Variants in PCDH9 observed in about 807,000 individuals in gnomAD.
The protein encoded by PCDH9 is protocadherin 9.
In PCDH9, 24 loss-of-function variants were observed where a neutral mutation model predicts 70.6. That is an observed-to-expected ratio of 0.34 (90% CI 0.25 to 0.48). The LOEUF (loss-of-function observed/expected upper bound fraction) is 0.48, where lower values mean the gene tolerates loss of function less well. Among genes scored for constraint, PCDH9 ranks in the 20% least tolerant of loss-of-function variants. The probability of loss-of-function intolerance (pLI) is 0.99; values close to 1 mark genes in which losing one functional copy is unlikely to be tolerated. For synonymous variants in PCDH9, 562 were observed against 558.5 expected, an observed-to-expected ratio of 1.01 and a Z score of -0.09; for missense variants, 1,281 against 1,503.6, an observed-to-expected ratio of 0.85 and a Z score of 2.45.
At chr13:66,910,271 G>T (rs1421024810) in intron 2 of PCDH9, among the ~76,000 whole-genome samples, 1 of 152,150 alleles carries the variant, frequency 6.6e-6, no homozygotes, top group East Asian at 1.9e-4. Flanking sequence ...TGGGATTTAT[G>T]AGAAAACAAA....
At chr13:66,386,739 A>C (rs1956936663) in intron 4 of PCDH9, among the ~76,000 whole-genome samples, 1 of 152,118 alleles carries the variant, frequency 6.6e-6, no homozygotes. Context: ...CTTCAACATC[A>C]CTGAGCATGT....
At chr13:67,031,861 G>A (rs551583223) in intron 2 of PCDH9, among the ~76,000 whole-genome samples, 2 of 152,202 alleles carry the variant, frequency 1.3e-5, no homozygotes, top group Admixed American at 1.3e-4. Flanking sequence ...GTCAAGAGAA[G>A]CTGCTTTTGA....
chr13:66,734,414 A>T (rs1259361705), intron 3 of PCDH9, among the ~76,000 whole-genome samples: 1 of 152,166 alleles, frequency 6.6e-6, no homozygotes, highest in Admixed American at 6.5e-5. Flanking sequence ...TGTAATAAAC[A>T]GTAATTGTGA....
chr13:67,045,469 C>A (rs1012199697), intron 2 of PCDH9, among the ~76,000 whole-genome samples: 3 of 151,938 alleles, frequency 2.0e-5, no homozygotes, highest in African/African-American at 7.3e-5. Flanking sequence ...ACAACTTTGT[C>A]TCTCTCTCCA....
intron 4 of PCDH9, among the ~76,000 whole-genome samples, chr13:66,408,316 A>C (rs1205784673): frequency 6.6e-6 from 1 of 152,220 alleles, no homozygotes; most frequent in African/African-American, 2.4e-5. Context: ...AGGGCAGAGA[A>C]GCAGCAGGAA....
At chr13:66,318,263 G>T (rs944425062) in intron 4 of PCDH9, among the ~76,000 whole-genome samples, 9 of 152,082 alleles carry the variant, frequency 5.9e-5, no homozygotes, top group African/African-American at 2.2e-4. Flanking sequence ...ATTTTGCAGA[G>T]ATTTTTCTGC....
chr13:66,439,995 C>A (rs982581310), intron 4 of PCDH9, among the ~76,000 whole-genome samples: 1 of 152,060 alleles, frequency 6.6e-6, no homozygotes, highest in Non-Finnish European at 1.5e-5. Context: ...TGTTGAACAA[C>A]TCAAAGTTCA....
intron 3 of PCDH9, among the ~76,000 whole-genome samples, chr13:66,786,778 C>T (rs972891958): frequency 2.0e-5 from 3 of 151,920 alleles, no homozygotes; most frequent in Non-Finnish European, 2.9e-5. Flanking sequence ...TTAAGACAGA[C>T]ATTAAACAAA....
In PCDH9 at chr13:67,148,043, T is replaced by C. The variant is rs186648041; in HGVS notation, c.3036+77362A>G. Among the ~76,000 whole-genome samples the C allele has an allele frequency of 6.4e-4, 98 of 152,316 alleles. 1 individual carries two copies. The East Asian group carries it at 0.017, about 26-fold the overall frequency. ...ATGTTTTGCTGATCCCGGTCTTTTC[T>C]TCTGAAAGGCTTCTTAGTGGTCCCC... On this transcript the variant is annotated intron_variant, in intron 2 of 4. Transcript: ENST00000377865.
At chr13:67,137,447 C>T (rs373090384) in intron 2 of PCDH9, among the ~76,000 whole-genome samples, 11 of 152,232 alleles carry the variant, frequency 7.2e-5, no homozygotes, top group African/African-American at 2.6e-4. Context: ...TGGGGTGATC[C>T]TCGTGCCTCC....
At chr13:67,171,628 A>G (rs1396259128) in intron 2 of PCDH9, among the ~76,000 whole-genome samples, 1 of 152,180 alleles carries the variant, frequency 6.6e-6, no homozygotes, top group African/African-American at 2.4e-5. Flanking sequence ...ATTTCTATCA[A>G]CACCTTTAAT....
intron 4 of PCDH9, among the ~76,000 whole-genome samples, chr13:66,601,517 T>A (rs2077165164): frequency 1.4e-5 from 2 of 146,464 alleles, no homozygotes; most frequent in South Asian, 4.4e-4. Flanking sequence ...AAGAGCTAAC[T>A]AATCAGGCCA....
At chr13:66,742,413 C>T (rs1355211522) in intron 3 of PCDH9, among the ~76,000 whole-genome samples, 2 of 116,606 alleles carry the variant, frequency 1.7e-5, no homozygotes, top group South Asian at 6.5e-4. Context: ...TAGGCATTAC[C>T]ATTCAGGACA....
chr13:66,951,248 A>T (rs1206311918), intron 2 of PCDH9, among the ~76,000 whole-genome samples: 1 of 152,144 alleles, frequency 6.6e-6, no homozygotes, highest in East Asian at 1.9e-4. Context: ...TAATGTAAAT[A>T]GTGATATAAA....
chr13:66,570,009 G>A (rs994131220), intron 4 of PCDH9, among the ~76,000 whole-genome samples: 2 of 152,020 alleles, frequency 1.3e-5, no homozygotes, highest in Admixed American at 6.6e-5. Context: ...ATTTGAAACA[G>A]TCCAAATGTC....
chr13:67,047,630 G>C (rs1181557209), intron 2 of PCDH9, among the ~76,000 whole-genome samples: 1 of 152,112 alleles, frequency 6.6e-6, no homozygotes, highest in African/African-American at 2.4e-5. Context: ...ATAAATTCAG[G>C]GAGGAGTTAA....
chr13:66,904,907 A>G (rs1395027947), intron 2 of PCDH9, among the ~76,000 whole-genome samples: 1 of 152,002 alleles, frequency 6.6e-6, no homozygotes, highest in Non-Finnish European at 1.5e-5. Context: ...CCATATATCC[A>G]TCACTATAAG....
At chr13:66,923,467 T>C (rs572461146) in intron 2 of PCDH9, among the ~76,000 whole-genome samples, 1 of 151,750 alleles carries the variant, frequency 6.6e-6, no homozygotes, top group African/African-American at 2.4e-5. Flanking sequence ...AATTAAAATA[T>C]CTAATTTATA....
At chr13:67,188,641 C>G (rs1210410555) in intron 2 of PCDH9, among the ~76,000 whole-genome samples, 1 of 151,966 alleles carries the variant, frequency 6.6e-6, no homozygotes, top group Admixed American at 6.6e-5. Flanking sequence ...CCCTGGAAAG[C>G]TTTTACTTTA....
Sources: gnomAD v4.1 joint callset for allele counts (sites outside exome capture counted in the v4.1 genomes callset) on GRCh38, gnomAD v4.1.1 for gene constraint, MANE v1.5 for transcripts, NCBI Gene and HGNC (gene_info 2026-07-23, HGNC 2026-07-21) for gene names.